Variants in INAVA observed in about 807,000 individuals in gnomAD.
The protein encoded by INAVA is innate immunity activator protein.
In INAVA, 32 loss-of-function variants were observed where a neutral mutation model predicts 55.3. That is an observed-to-expected ratio of 0.58 (90% confidence interval 0.44 to 0.78). The LOEUF (loss-of-function observed/expected upper bound fraction) is 0.78. Ranked by LOEUF, INAVA falls within the 30% of genes least tolerant of loss-of-function variation. The pLI, the probability that INAVA is intolerant of heterozygous loss-of-function variation, is 0.00. For missense variants in INAVA, 756 were observed against 786.4 expected (o/e 0.96, Z 0.46); for synonymous variants, 294 against 329.4 (o/e 0.89, Z 1.16).
intron 3 of INAVA, 129 bp downstream of exon 3, chr1:200,899,726 T>C: frequency 7.3e-7 from 1 of 1,376,096 alleles, no homozygotes; most frequent in Non-Finnish European, 9.8e-7. Flanking sequence ...GGCTGGGGGC[T>C]GGGGCCCAGA....
At position 200,914,692 on chromosome 1, in the gene INAVA, C is replaced by G. The variant is rs1653876376; in HGVS notation, c.*1063C>G. Reference sequence around the variant, plus strand: ...TCTCGAACTCCTGACCTCAAGTGATCCACCTGCCTTGGCCTTTCAAAGTGC... The same window carrying G: ...TCTCGAACTCCTGACCTCAAGTGATGCACCTGCCTTGGCCTTTCAAAGTGC... On this transcript the variant is annotated 3_prime_UTR_variant, in exon 10 of 10. Coordinates refer to ENST00000413687, the MANE Select transcript of INAVA (RefSeq NM_001142569.3). The G allele has an allele frequency of 7.8e-6, 1 of 128,986 alleles. No individual in the cohort carries two copies. 8.0% of individuals were successfully genotyped at this position (128,986 alleles called of 1,614,324 possible).
At chr1:200,909,174 C>A in intron 7 of INAVA, 50 bp from the exon 8 acceptor site, 4 of 1,471,486 alleles carry the variant, frequency 2.7e-6, no homozygotes, top group South Asian at 1.5e-5. Flanking sequence ...CCTCTTGAGC[C>A]CCTGAATGGA....
chr1:200,893,178 A>G (rs144339489), upstream of INAVA, among the ~76,000 whole-genome samples: 453 of 152,344 alleles, frequency 3.0e-3, 8 homozygotes, highest in African/African-American at 0.011. Flanking sequence ...GTTTCATATC[A>G]CACTGCAGTC....
rs1653856891 is a variant in INAVA at position 200,914,122 on chromosome 1, TG to T, written c.*498del. ...GGTCTCTGGGTACCCCAGCCTGGGC[TG>T]GGGGAGAATCTCTTCCCCCTTTTCT... is the stretch of plus-strand genomic sequence containing the variant. On this transcript the variant is annotated 3_prime_UTR_variant, in exon 10 of 10. Coordinates refer to ENST00000413687, the MANE Select transcript of INAVA (RefSeq NM_001142569.3). The T allele has an allele frequency of 6.3e-6, 1 of 157,634 alleles. No individual in the cohort carries two copies. Among genetic ancestry groups the T allele is most frequent in the African/African-American group, 2.4e-5 (1 of 41,514 alleles). 9.8% of individuals were successfully genotyped at this position (157,634 alleles called of 1,614,324 possible). A position where few individuals can be genotyped will look rare whatever the true frequency, so the allele number is the denominator to read the frequency against.
Position 200,903,973 on chromosome 1 carries a change from C to T in INAVA, c.520+2814C>T, listed in dbSNP as rs538033001. Among the ~76,000 whole-genome samples the T allele has an allele frequency of 9.9e-5, 15 of 152,244 alleles. No homozygotes were observed. In the South Asian group the frequency reaches 1.2e-3, roughly 13 times the overall value. On this transcript the variant is annotated intron_variant, in intron 5 of 9. Transcript: ENST00000413687. ...TGGCAGGGAGCAGTCAGGTGTTGAG[C>T]TCATTTACTAGAGTGAACCGCATGA...
intron 4 of INAVA, 131 bp downstream of exon 4, chr1:200,900,351 TG>T: frequency 1.3e-6 from 1 of 756,682 alleles, no homozygotes; most frequent in South Asian, 1.9e-5. Context: ...CTTGGCTGCC[TG>T]TTGGTGAGAG....
intron 9 of INAVA, among the ~76,000 whole-genome samples, chr1:200,913,011 A>C (rs1653813818): frequency 6.6e-6 from 1 of 152,100 alleles, no homozygotes; most frequent in South Asian, 2.1e-4. Context: ...CCTGGTACGG[A>C]GGGCTCTGCA....
chr1:200,899,358 T>C, intron 2 of INAVA, 115 bp from the exon 3 acceptor site: 1 of 1,110,684 alleles, frequency 9.0e-7, no homozygotes, highest in Non-Finnish European at 1.2e-6. Context: ...AGGCATGAGA[T>C]GTGTGTGTGT....
chr1:200,908,716 T>A lies in INAVA; in HGVS notation c.575-14T>A, dbSNP rs1206262378. On this transcript the variant is annotated splice_polypyrimidine_tract_variant and intron_variant, in intron 6 of 9. Coordinates refer to ENST00000413687, the MANE Select transcript of INAVA (RefSeq NM_001142569.3). The stretch of plus-strand genomic sequence containing the variant: ...CCAGCCTCTGGCCTTACCAGGTTTC[T>A]TTTACTCCTGCAGAGGAATCCCAAG... 6.5e-7 allele frequency: 1 copy of A among 1,538,450 alleles called. No homozygotes were observed. Among genetic ancestry groups the A allele is most frequent in the Non-Finnish European group, 8.7e-7 (1 of 1,143,778 alleles).
intron 5 of INAVA, among the ~76,000 whole-genome samples, chr1:200,903,728 C>T (rs957548032): frequency 2.1e-5 from 3 of 144,676 alleles, no homozygotes; most frequent in Non-Finnish European, 4.5e-5. Flanking sequence ...CACTTGAACC[C>T]AGGAGGCGGA....
intron 3 of INAVA, 61 bp downstream of exon 3, chr1:200,899,658 GTGGGGATGCGGGAGC>G: frequency 1.1e-5 from 17 of 1,584,588 alleles, no homozygotes; most frequent in Non-Finnish European, 1.5e-5. Flanking sequence ...GGAGCCACGT[GTGGGGATGCGGGAGC>G]TGGGGAGAGG....
chr1:200,901,144 C>G lies in INAVA; in HGVS notation c.505C>G (p.Leu169Val), dbSNP rs556785931. 2 of 1,521,490 alleles carry G rather than the reference C, an allele frequency of 1.3e-6. No homozygotes were observed. The highest frequency in any genetic ancestry group is 1.2e-5 in the South Asian group (1 of 82,634). The allele number at this position is 1,521,490 out of a possible 1,614,324, so 94.2% of individuals were successfully genotyped here. Residue 169 changes from leucine (L) to valine (V), a missense_variant, in exon 5 of 10, where the codon CTC (leucine) becomes GTC (valine). Leu to Val is a conservative substitution (Grantham distance 32). Around this residue, in one of 2 missense-constraint regions of INAVA, gnomAD observed 639 missense variants for 624.3 expected, o/e 1.02. Transcript: ENST00000413687. ...TAGCGAGCCACCTCCGGCTGCTGCT[C>G]TCCCCCTGGGCCGAGGTGAGCCGGC... is the stretch of plus-strand genomic sequence containing the variant. ...RNSEPPPAAA[L>V]PLGRELSASD... is the part of the protein sequence containing the mutation.
intron 5 of INAVA, among the ~76,000 whole-genome samples, chr1:200,906,671 TGAA>T (rs1172057031): frequency 6.6e-6 from 1 of 152,162 alleles, no homozygotes; most frequent in Non-Finnish European, 1.5e-5. Context: ...GATCACCAAC[TGAA>T]GAAACTTCCC....
intron 7 of INAVA, 95 bp downstream of exon 7, chr1:200,909,035 G>T: frequency 7.2e-7 from 1 of 1,382,902 alleles, no homozygotes; most frequent in Non-Finnish European, 9.7e-7. Context: ...ATGGAAAAGT[G>T]GAAAGGTGGA....
intron 5 of INAVA, among the ~76,000 whole-genome samples, chr1:200,906,848 C>T (rs994808404): frequency 2.6e-5 from 4 of 152,038 alleles, no homozygotes; most frequent in African/African-American, 9.7e-5. Context: ...TTATTTGAGA[C>T]AGGGTCTCAC....
rs1376460489 is a variant in INAVA at position 200,901,167 on chromosome 1, G to A, written c.520+8G>A. On this transcript the variant is annotated splice_region_variant and intron_variant, in intron 5 of 9. Coordinates refer to ENST00000413687, the MANE Select transcript of INAVA (RefSeq NM_001142569.3). ...CTCTCCCCCTGGGCCGAGGTGAGCC[G>A]GCTGCCCTGAGGGGGGCCATGCTCC... is the stretch of plus-strand genomic sequence containing the variant. The A allele has an allele frequency of 7.3e-6, 11 of 1,500,480 alleles. No homozygotes were observed. Among genetic ancestry groups the A allele is most frequent in the Non-Finnish European group, 8.0e-6 (9 of 1,125,726 alleles). The allele number at this position is 1,500,480 out of a possible 1,614,324, so 92.9% of individuals were successfully genotyped here. A position where few individuals can be genotyped will look rare whatever the true frequency, so the allele number is the denominator to read the frequency against.
chr1:200,907,874 C>T lies in INAVA; in HGVS notation c.561C>T (p.Leu187=). Residue 187 remains leucine (L), a synonymous_variant, in exon 6 of 10, where the codon CTC becomes CTT. Coordinates refer to ENST00000413687, the MANE Select transcript of INAVA (RefSeq NM_001142569.3). ...ATGACAGCTCCCTGTCAGATGGGCT[C>T]CTCCTGGAGGAAGGTGAGAAGGACG... ...ASDDSSLSDG[L]LLEEEESQVP... 1 of 1,612,530 alleles carries T rather than the reference C, an allele frequency of 6.2e-7. No individual in the cohort carries two copies. Among genetic ancestry groups the T allele is most frequent in the Non-Finnish European group, 8.5e-7 (1 of 1,178,898 alleles).
chr1:200,895,720 G>A (rs1214561148), intron 1 of INAVA, among the ~76,000 whole-genome samples: 1 of 152,174 alleles, frequency 6.6e-6, no homozygotes, highest in Non-Finnish European at 1.5e-5. Context: ...CTATGTGGCT[G>A]TACGGGTTTC....
At chr1:200,891,890 CCTT>C (rs1668246162), upstream of INAVA, among the ~76,000 whole-genome samples, 1 of 152,162 alleles carries the variant, frequency 6.6e-6, no homozygotes, top group African/African-American at 2.4e-5. Flanking sequence ...TCTCCTTCGA[CCTT>C]CTTCGTGCCT....
Sources: gnomAD v4.1 joint callset for allele counts (sites outside exome capture counted in the v4.1 genomes callset) on GRCh38, gnomAD v4.1.1 for gene constraint, gnomAD v4.1.1 regional missense constraint, MANE v1.5 for transcripts, NCBI Gene and HGNC (gene_info 2026-07-23, HGNC 2026-07-21) for gene names.